Variants in CD59 observed in about 807,000 individuals in gnomAD.
The protein encoded by CD59 is CD59 glycoprotein.
A neutral mutation model predicts 7.0 loss-of-function variants in CD59; 3 were observed. That is an observed-to-expected ratio of 0.43 (90% CI 0.19 to 1.10). The LOEUF (loss-of-function observed/expected upper bound fraction) is 1.10. Among genes scored for constraint, CD59 ranks in the 50% least tolerant of loss-of-function variants. The probability of loss-of-function intolerance (pLI) is 0.29; values close to 1 mark genes in which losing one functional copy is unlikely to be tolerated. For missense variants in CD59, 143 were observed against 151.0 expected (o/e 0.95, Z 0.28); for synonymous variants, 60 against 62.0 (o/e 0.97, Z 0.15).
At chr11:33,731,307 A>T (rs915453492) in intron 1 of CD59, 8 of 141,734 alleles carry the variant, frequency 5.6e-5, no homozygotes, top group African/African-American at 1.5e-4. Flanking sequence ...TACACACACA[A>T]ATACACATAT....
intron 3 of CD59, among the ~76,000 whole-genome samples, chr11:33,713,231 C>T (rs1431765910): frequency 2.6e-5 from 4 of 152,098 alleles, no homozygotes; most frequent in Non-Finnish European, 4.4e-5. Flanking sequence ...AGATTTTCTT[C>T]TCCAAAAATA....
At chr11:33,735,101 G>A (rs763325693) in intron 1 of CD59, among the ~76,000 whole-genome samples, 2 of 152,184 alleles carry the variant, frequency 1.3e-5, no homozygotes, top group African/African-American at 2.4e-5. Context: ...TTCATAAACT[G>A]CCACGTAAAT....
In CD59 at chr11:33,704,506, C is replaced by T. The variant is rs1203162647; in HGVS notation, c.*5620G>A. On this transcript the variant is annotated 3_prime_UTR_variant, in exon 4 of 4. Coordinates refer to ENST00000642928, the MANE Select transcript of CD59 (RefSeq NM_000611.6). The stretch of plus-strand genomic sequence containing the variant: ...TCGCGCCAGCCTCACACCTGAGAAG[C>T]TGCTTCTACGACCTGCTGAGGACAT... 6.6e-6 allele frequency: 1 copy of T among 152,190 alleles called. No homozygotes were observed. Among genetic ancestry groups the T allele is most frequent in the Non-Finnish European group, 1.5e-5 (1 of 68,048 alleles). The allele number at this position is 152,190 out of a possible 1,614,324, so 9.4% of individuals were successfully genotyped here.
intron 1 of CD59, 158 bp from the exon 2 acceptor site, chr11:33,722,621 C>A: frequency 6.7e-7 from 1 of 1,501,038 alleles, no homozygotes; most frequent in Non-Finnish European, 8.9e-7. Context: ...AGCTCTGACC[C>A]ACAGCACCAT....
chr11:33,712,739 C>A (rs1207464273), intron 3 of CD59, among the ~76,000 whole-genome samples: 1 of 152,144 alleles, frequency 6.6e-6, no homozygotes, highest in Non-Finnish European at 1.5e-5. Context: ...ATACTAAGAG[C>A]CACTGAATTA....
intron 2 of CD59, chr11:33,719,104 A>C (rs1179143982): frequency 6.6e-6 from 1 of 152,204 alleles, no homozygotes; most frequent in Non-Finnish European, 1.5e-5. Flanking sequence ...TTCTAGTTCT[A>C]AGGCTGAAGG....
At chr11:33,731,737 C>T (rs2133574247) in intron 1 of CD59, among the ~76,000 whole-genome samples, 1 of 152,352 alleles carries the variant, frequency 6.6e-6, no homozygotes, top group Non-Finnish European at 1.5e-5. Flanking sequence ...GGAAATGTTT[C>T]TTCCAACAGG....
intron 1 of CD59, chr11:33,731,321 T>A (rs73484915): frequency 7.1e-4 from 98 of 137,640 alleles, no homozygotes; most frequent in African/African-American, 2.4e-3. Flanking sequence ...CACATATATA[T>A]GCACATATAT....
chr11:33,711,514 A>T, intron 3 of CD59: 1 of 645,772 alleles, frequency 1.5e-6, no homozygotes, highest in Non-Finnish European at 2.7e-6. Context: ...CTCTACAAAA[A>T]TAAAAAATAA....
chr11:33,711,992 C>A lies in CD59; in HGVS notation c.170-1649G>T, dbSNP rs373213451. ...AGATAGAGTTATCCATTTGACTGAG[C>A]AATTCCACTCACAAGTGTATATACT... On this transcript the variant is annotated intron_variant, in intron 3 of 3. Coordinates refer to ENST00000642928, the MANE Select transcript of CD59 (RefSeq NM_000611.6). 4.6e-5 allele frequency among the ~76,000 whole-genome samples: 7 copies of A among 152,312 alleles called. No homozygotes were observed. In the East Asian group the frequency reaches 1.2e-3, roughly 25 times the overall value.
chr11:33,734,363 G>C (rs1277788915), intron 1 of CD59, among the ~76,000 whole-genome samples: 1 of 152,244 alleles, frequency 6.6e-6, no homozygotes, highest in African/African-American at 2.4e-5. Context: ...GTGCAGATTT[G>C]TTTCATAGGT....
At chr11:33,722,602 C>G (rs1564975798) in intron 1 of CD59, 139 bp from the exon 2 acceptor site, 3 of 1,517,102 alleles carry the variant, frequency 2.0e-6, no homozygotes, top group Non-Finnish European at 2.7e-6. Context: ...AATCCCTGGG[C>G]CATGCCCCAG....
intron 1 of CD59, chr11:33,722,837 G>A (rs1034333372): frequency 4.9e-5 from 46 of 931,162 alleles, no homozygotes; most frequent in African/African-American, 8.7e-5. Flanking sequence ...ACAGCACTAA[G>A]TGAATCAGAC....
rs1260315830 is a variant in CD59, at chr11:33,705,466, A to C, written c.*4660T>G. 6.6e-6 allele frequency: 1 copy of C among 152,166 alleles called. No homozygotes were observed. The highest frequency in any genetic ancestry group is 1.5e-5 in the Non-Finnish European group (1 of 68,058). 9.4% of individuals were successfully genotyped at this position (152,166 alleles called of 1,614,324 possible). On this transcript the variant is annotated 3_prime_UTR_variant, in exon 4 of 4. Transcript: ENST00000642928. Reference sequence around the variant, plus strand: ...TAGACACTGTCTACCTTGTTTGCTGAGTCTTCTGGCTTTCTTCCACTCTTC... The same window carrying C: ...TAGACACTGTCTACCTTGTTTGCTGCGTCTTCTGGCTTTCTTCCACTCTTC...
intron 1 of CD59, among the ~76,000 whole-genome samples, chr11:33,729,751 T>C (rs1278562996): frequency 6.6e-6 from 1 of 151,702 alleles, no homozygotes; most frequent in African/African-American, 2.4e-5. Flanking sequence ...ATGTTTTAGA[T>C]AGCAAATGTT....
At chr11:33,725,697 A>G (rs1854236092) in intron 1 of CD59, among the ~76,000 whole-genome samples, 1 of 152,204 alleles carries the variant, frequency 6.6e-6, no homozygotes, top group South Asian at 2.1e-4. Context: ...AGGGCATACA[A>G]ACATTCTTTA....
intron 3 of CD59, chr11:33,711,650 C>T (rs10836101): frequency 0.068 from 31,979 of 470,760 alleles, 1,665 homozygotes; most frequent in East Asian, 0.19. Context: ...GCATTCCAGC[C>T]TAGGCAACAA....
At position 33,709,232 on chromosome 11, in the gene CD59, T is replaced by G. The variant is rs1479772180; in HGVS notation, c.*894A>C. 2.0e-5 allele frequency: 3 copies of G among 152,274 alleles called. No homozygotes were observed. The highest frequency in any genetic ancestry group is 7.2e-5 in the African/African-American group (3 of 41,460). The allele number at this position is 152,274 out of a possible 1,614,324, so 9.4% of individuals were successfully genotyped here. A position where few individuals can be genotyped will look rare whatever the true frequency, so the allele number is the denominator to read the frequency against. ...ATCTGTTGTTATTAAGGATGACCTT[T>G]GGAAGTCTCAAACTGTAACCACAAA... is the stretch of plus-strand genomic sequence containing the variant. On this transcript the variant is annotated 3_prime_UTR_variant, in exon 4 of 4. Transcript: ENST00000642928.
At chr11:33,725,359 C>T (rs1854225711) in intron 1 of CD59, among the ~76,000 whole-genome samples, 2 of 151,592 alleles carry the variant, frequency 1.3e-5, no homozygotes, top group South Asian at 4.2e-4. Flanking sequence ...AAAGTGTTGC[C>T]ATTCCACCCA....
Sources: allele counts gnomAD v4.1 joint callset (sites outside exome capture counted in the v4.1 genomes callset), GRCh38; gene constraint gnomAD v4.1.1; transcripts MANE v1.5; gene names NCBI Gene and HGNC (gene_info 2026-07-23, HGNC 2026-07-21).